ETV1: variants seen among roughly 807,000 people sequenced by gnomAD.
ETV1 encodes ETS translocation variant 1.
A neutral mutation model predicts 62.3 loss-of-function variants in ETV1; 27 were observed. That is an observed-to-expected ratio of 0.43 (90% CI 0.32 to 0.60). The LOEUF (loss-of-function observed/expected upper bound fraction) is 0.60. Among genes scored for constraint, ETV1 ranks in the 20% least tolerant of loss-of-function variants. The pLI is 0.06. For synonymous variants in ETV1, 222 were observed against 199.6 expected (o/e 1.11, Z -0.94); for missense variants, 605 against 605.8 (o/e 1.00, Z 0.01).
intron 6 of ETV1, among the ~76,000 whole-genome samples, chr7:13,950,937 C>CACACACAT (rs1355004559): frequency 6.8e-6 from 1 of 147,252 alleles, no homozygotes. Flanking sequence ...CACACACACA[C>CACACACAT]ACACAATATC....
chr7:13,902,151 G>A (rs1299001647), intron 12 of ETV1, among the ~76,000 whole-genome samples: 1 of 152,090 alleles, frequency 6.6e-6, no homozygotes, highest in East Asian at 1.9e-4. Flanking sequence ...TAGGGCTAGG[G>A]AGCGCCTTCA....
At chr7:13,936,588 A>G (rs1274890242) in intron 7 of ETV1, among the ~76,000 whole-genome samples, 2 of 152,216 alleles carry the variant, frequency 1.3e-5, no homozygotes, top group Non-Finnish European at 2.9e-5. Flanking sequence ...GAAGAATAAA[A>G]TGAGTAAGCT....
intron 5 of ETV1, among the ~76,000 whole-genome samples, chr7:13,978,713 T>C (rs1006499414): frequency 6.6e-6 from 1 of 151,858 alleles, no homozygotes; most frequent in Non-Finnish European, 1.5e-5. Flanking sequence ...TTCTACATTT[T>C]AAAAAAATTT....
At chr7:13,965,883 A>C (rs1054151987) in intron 6 of ETV1, among the ~76,000 whole-genome samples, 1 of 152,200 alleles carries the variant, frequency 6.6e-6, no homozygotes, top group Non-Finnish European at 1.5e-5. Context: ...GTGCATGAAT[A>C]CGTTTTTTAA....
intron 6 of ETV1, among the ~76,000 whole-genome samples, chr7:13,959,433 G>A (rs1361769590): frequency 6.6e-6 from 1 of 152,084 alleles, no homozygotes; most frequent in African/African-American, 2.4e-5. Flanking sequence ...CTTTTAGAAG[G>A]CAGGAATCAT....
intron 13 of ETV1, among the ~76,000 whole-genome samples, chr7:13,899,198 G>C (rs919331749): frequency 2.0e-5 from 3 of 152,092 alleles, no homozygotes; most frequent in Non-Finnish European, 4.4e-5. Flanking sequence ...GGAAGATGGT[G>C]GTGAAAAGAA....
intron 5 of ETV1, among the ~76,000 whole-genome samples, chr7:13,985,751 C>A (rs1033080264): frequency 6.6e-6 from 1 of 152,138 alleles, no homozygotes; most frequent in African/African-American, 2.4e-5. Flanking sequence ...TAATGTTTCA[C>A]ATTTGTATGC....
chr7:13,976,664 T>A (rs1490526299), intron 6 of ETV1, among the ~76,000 whole-genome samples: 1 of 152,188 alleles, frequency 6.6e-6, no homozygotes, highest in African/African-American at 2.4e-5. Context: ...GCTCCTTTGG[T>A]CAGTAGCAGC....
chr7:13,940,781 T>C (rs1405327415), intron 6 of ETV1, among the ~76,000 whole-genome samples: 1 of 152,200 alleles, frequency 6.6e-6, no homozygotes, highest in Non-Finnish European at 1.5e-5. Flanking sequence ...TATATAATTT[T>C]TAACATAAAA....
At chr7:13,949,610 A>G (rs1416133430) in intron 6 of ETV1, among the ~76,000 whole-genome samples, 1 of 152,134 alleles carries the variant, frequency 6.6e-6, no homozygotes, top group Non-Finnish European at 1.5e-5. Context: ...ATCCATTACT[A>G]AAGGGCCTAA....
intron 13 of ETV1, among the ~76,000 whole-genome samples, chr7:13,896,495 G>T (rs529967349): frequency 2.6e-5 from 4 of 151,940 alleles, no homozygotes; most frequent in Non-Finnish European, 5.9e-5. Context: ...AAGGTACACT[G>T]TCCCTCTTAA....
chr7:13,925,560 T>C, intron 9 of ETV1, among the ~76,000 whole-genome samples: 1 of 145,886 alleles, frequency 6.9e-6, no homozygotes, highest in East Asian at 2.0e-4. Flanking sequence ...CAACTATACA[T>C]TAATTGATTT....
intron 3 of ETV1, chr7:13,988,595 G>GAAA (rs34468165): frequency 1.2e-3 from 939 of 809,274 alleles, no homozygotes; most frequent in East Asian, 6.8e-3. Context: ...GTAGAGAAAT[G>GAAA]AAAAAAAAAA....
intron 9 of ETV1, among the ~76,000 whole-genome samples, chr7:13,930,264 A>C (rs1304835774): frequency 1.3e-5 from 2 of 152,222 alleles, no homozygotes; most frequent in East Asian, 3.8e-4. Flanking sequence ...AGCAGGGTTA[A>C]GTAATTCTTT....
At chr7:13,905,626 G>A (rs1782875115) in intron 12 of ETV1, among the ~76,000 whole-genome samples, 1 of 152,146 alleles carries the variant, frequency 6.6e-6, no homozygotes, top group Admixed American at 6.6e-5. Context: ...ATTCTTCATG[G>A]AAATACTCCA....
chr7:13,976,786 C>T (rs1278663381), intron 6 of ETV1, among the ~76,000 whole-genome samples: 1 of 152,160 alleles, frequency 6.6e-6, no homozygotes, highest in Non-Finnish European at 1.5e-5. Flanking sequence ...GTACTCCATG[C>T]ATCACTCCTT....
chr7:13,921,266 G>A (rs2128436315), intron 9 of ETV1, among the ~76,000 whole-genome samples: 1 of 152,190 alleles, frequency 6.6e-6, no homozygotes, highest in Middle Eastern at 3.4e-3. Flanking sequence ...AAGCACAAAA[G>A]GCCAAAGTTC....
chr7:13,919,416 A>C (rs1784563641), intron 9 of ETV1, among the ~76,000 whole-genome samples: 2 of 151,884 alleles, frequency 1.3e-5, no homozygotes, highest in African/African-American at 4.8e-5. Flanking sequence ...AGAGTTGAAA[A>C]ATACTTTTAA....
chr7:13,893,466 C>T lies in ETV1; in HGVS notation c.*2400G>A, dbSNP rs10046568. The T allele has an allele frequency of 6.9e-4, 159 of 231,096 alleles. No individual in the cohort carries two copies. The highest frequency in any genetic ancestry group is 3.4e-3 in the African/African-American group (156 of 45,358). The allele number at this position is 231,096 out of a possible 1,614,324, so 14.3% of individuals were successfully genotyped here. A position where few individuals can be genotyped will look rare whatever the true frequency, so the allele number is the denominator to read the frequency against. On this transcript the variant is annotated 3_prime_UTR_variant, in exon 14 of 14. Transcript: ENST00000430479. ...CAATTATGTATTTAGTTCAGTGAGT[C>T]ACTACGTTAAAACAGCAAAACATAT...
Sources: allele counts gnomAD v4.1 joint callset (sites outside exome capture counted in the v4.1 genomes callset), GRCh38; gene constraint gnomAD v4.1.1; transcripts MANE v1.5; gene names NCBI Gene and HGNC (gene_info 2026-07-23, HGNC 2026-07-21).